GRM7: variants seen among roughly 807,000 people sequenced by gnomAD.
The protein encoded by GRM7 is metabotropic glutamate receptor 7.
A neutral mutation model predicts 84.5 loss-of-function variants in GRM7; 35 were observed. The ratio of observed to expected loss-of-function variants is 0.41; its 90% CI spans 0.32 to 0.55. The LOEUF (loss-of-function observed/expected upper bound fraction) is 0.55, where lower values mean the gene tolerates loss of function less well. Among genes scored for constraint, GRM7 ranks in the 20% least tolerant of loss-of-function variants. The pLI is 0.19. For missense variants in GRM7, 1,003 were observed against 1,194.6 expected (o/e 0.84, Z 2.36); for synonymous variants, 487 against 455.1 (o/e 1.07, Z -0.89).
chr3:7,288,508 T>G (rs1463883210), intron 2 of GRM7, among the ~76,000 whole-genome samples: 1 of 152,118 alleles, frequency 6.6e-6, no homozygotes. Flanking sequence ...CTCTGTAGCA[T>G]TGGACAAATC....
chr3:6,868,519 G>A (rs1460040276), intron 1 of GRM7, among the ~76,000 whole-genome samples: 1 of 152,074 alleles, frequency 6.6e-6, no homozygotes, highest in Non-Finnish European at 1.5e-5. Flanking sequence ...CCCGTATGCA[G>A]GAAATAAATA....
chr3:6,925,535 A>G (rs1423028027), intron 1 of GRM7, among the ~76,000 whole-genome samples: 1 of 152,168 alleles, frequency 6.6e-6, no homozygotes, highest in Non-Finnish European at 1.5e-5. Flanking sequence ...TTGTCATATC[A>G]TTAGGTCTAA....
chr3:7,418,577 C>G (rs574277143), intron 5 of GRM7, among the ~76,000 whole-genome samples: 33 of 152,226 alleles, frequency 2.2e-4, no homozygotes, highest in African/African-American at 7.7e-4. Context: ...TTTATGTTCC[C>G]CTACCCACAG....
intron 1 of GRM7, among the ~76,000 whole-genome samples, chr3:6,864,084 T>C (rs537521468): frequency 2.7e-4 from 41 of 152,338 alleles, no homozygotes; most frequent in Admixed American, 9.8e-4. Context: ...AATGTTAGCG[T>C]TAGCGTTATG....
At chr3:6,930,041 A>G (rs1294309532) in intron 1 of GRM7, among the ~76,000 whole-genome samples, 1 of 152,204 alleles carries the variant, frequency 6.6e-6, no homozygotes, top group Non-Finnish European at 1.5e-5. Flanking sequence ...GTTCAGGCAA[A>G]CAAAGGGTAT....
At chr3:7,169,096 G>T in intron 2 of GRM7, among the ~76,000 whole-genome samples, 1 of 152,100 alleles carries the variant, frequency 6.6e-6, no homozygotes, top group East Asian at 1.9e-4. Flanking sequence ...TGTGTCCTTT[G>T]CTGTTCCAGT....
intron 2 of GRM7, among the ~76,000 whole-genome samples, chr3:7,251,351 C>T (rs143876222): frequency 1.1e-3 from 173 of 151,714 alleles, no homozygotes; most frequent in African/African-American, 3.9e-3. Flanking sequence ...AAGTTATTCT[C>T]CGAAGTGACT....
At chr3:7,213,201 T>C (rs1696488128) in intron 2 of GRM7, among the ~76,000 whole-genome samples, 1 of 152,232 alleles carries the variant, frequency 6.6e-6, no homozygotes. Flanking sequence ...AGACAATTCT[T>C]TTCCAGAGGT....
intron 1 of GRM7, among the ~76,000 whole-genome samples, chr3:7,017,279 C>A (rs1480087301): frequency 6.6e-6 from 1 of 152,106 alleles, no homozygotes; most frequent in Non-Finnish European, 1.5e-5. Flanking sequence ...AAGAACCAGT[C>A]AGACTTTAAA....
chr3:7,649,075 T>C (rs1342108094), intron 8 of GRM7, among the ~76,000 whole-genome samples: 1 of 145,942 alleles, frequency 6.9e-6, no homozygotes, highest in Non-Finnish European at 1.5e-5. Context: ...TCAGATTTTC[T>C]TTTTTTTTTT....
At chr3:7,559,388 T>G (rs1258361278) in intron 7 of GRM7, 1 of 152,102 alleles carries the variant, frequency 6.6e-6, no homozygotes, top group Non-Finnish European at 1.5e-5. Context: ...CTACTATTGC[T>G]GCCTCTAGGG....
At chr3:7,718,502 G>A (rs943697884) in intron 9 of GRM7, among the ~76,000 whole-genome samples, 4 of 152,082 alleles carry the variant, frequency 2.6e-5, no homozygotes, top group Admixed American at 1.3e-4. Flanking sequence ...GCTCAGACTT[G>A]GAAATACGGC....
At chr3:7,502,201 C>G (rs1699905259) in intron 7 of GRM7, among the ~76,000 whole-genome samples, 3 of 152,172 alleles carry the variant, frequency 2.0e-5, no homozygotes, top group African/African-American at 7.2e-5. Context: ...ATCTCAGTGA[C>G]TGCCACAATA....
At chr3:7,385,166 T>G (rs899013653) in intron 4 of GRM7, among the ~76,000 whole-genome samples, 3 of 151,920 alleles carry the variant, frequency 2.0e-5, no homozygotes, top group Non-Finnish European at 2.9e-5. Flanking sequence ...GGAGATTAAG[T>G]CATTATATTT....
intron 1 of GRM7, among the ~76,000 whole-genome samples, chr3:6,892,412 C>T (rs931367933): frequency 6.6e-6 from 1 of 152,082 alleles, no homozygotes; most frequent in Non-Finnish European, 1.5e-5. Flanking sequence ...AGTTCTGGTT[C>T]TTTAGTCTGC....
chr3:7,185,273 C>T (rs1189494669), intron 2 of GRM7, among the ~76,000 whole-genome samples: 1 of 152,106 alleles, frequency 6.6e-6, no homozygotes, highest in Non-Finnish European at 1.5e-5. Context: ...TTTGGAAGAC[C>T]TGGTTGTGTG....
At chr3:7,171,699 C>G (rs529672971) in intron 2 of GRM7, among the ~76,000 whole-genome samples, 127 of 152,276 alleles carry the variant, frequency 8.3e-4, no homozygotes, top group African/African-American at 2.9e-3. Context: ...TACACACCTG[C>G]CTAAGTTGTT....
At chr3:7,036,622 G>A (rs1121261) in intron 1 of GRM7, among the ~76,000 whole-genome samples, 83,185 of 151,684 alleles carry the variant, frequency 0.55, 23,821 homozygotes, top group African/African-American at 0.71. Flanking sequence ...TTTATTTCAC[G>A]TGGGTTTTTT....
rs757823247 is a variant in GRM7 at position 7,415,147 on chromosome 3, A to G, written c.1158A>G (p.Thr386=). 12 of 1,613,126 alleles carry G rather than the reference A, an allele frequency of 7.4e-6. No individual in the cohort carries two copies. In the South Asian group the frequency reaches 1.2e-4, roughly 16 times the overall value. ...LTISGSKKED[T]DRKCTGQERI... ...TTAGTGGGTCAAAAAAAGAAGACAC[A>G]GATCGCAAATGCACAGGTAATTTAA... Residue 386 remains threonine (T), a synonymous_variant, in exon 5 of 10, where the codon ACA becomes ACG. Transcript: ENST00000357716.
Sources: gnomAD v4.1 joint callset for allele counts (sites outside exome capture counted in the v4.1 genomes callset) on GRCh38, gnomAD v4.1.1 for gene constraint, MANE v1.5 for transcripts, NCBI Gene and HGNC (gene_info 2026-07-23, HGNC 2026-07-21) for gene names.